Variants in LPP observed in about 807,000 individuals in gnomAD.
The protein encoded by LPP is LIM domain containing preferred translocation partner in lipoma, also known as lipoma-preferred partner.
A neutral mutation model predicts 60.4 loss-of-function variants in LPP; 38 were observed. The observed-to-expected ratio is 0.63, with a 90% CI of 0.49 to 0.83. LPP has a LOEUF of 0.83. Among genes scored for constraint, LPP ranks in the 40% least tolerant of loss-of-function variants. LPP has a pLI of 0.00. For missense variants in LPP, 902 were observed against 783.6 expected (o/e 1.15, Z -1.80); for synonymous variants, 328 against 290.8 (o/e 1.13, Z -1.30).
chr3:188,190,397 G>A (rs1727831914), intron 1 of LPP, among the ~76,000 whole-genome samples: 1 of 152,088 alleles, frequency 6.6e-6, no homozygotes, highest in Non-Finnish European at 1.5e-5. Flanking sequence ...TTGAGGCTTG[G>A]AGATGTTTAG....
chr3:188,495,559 C>T (rs1190928253), intron 5 of LPP, among the ~76,000 whole-genome samples: 2 of 152,046 alleles, frequency 1.3e-5, no homozygotes, highest in African/African-American at 4.8e-5. Flanking sequence ...CAAAAAGCAG[C>T]CATTGTCGTC....
intron 9 of LPP, among the ~76,000 whole-genome samples, chr3:188,797,793 T>G (rs1745817031): frequency 1.3e-5 from 2 of 152,218 alleles, no homozygotes; most frequent in Admixed American, 1.3e-4. Context: ...TGTGTATGTA[T>G]TATATTCCTT....
chr3:188,594,074 G>C (rs1446129187), intron 6 of LPP, among the ~76,000 whole-genome samples: 1 of 152,126 alleles, frequency 6.6e-6, no homozygotes, highest in Non-Finnish European at 1.5e-5. Flanking sequence ...CTGAAGATAG[G>C]AATATTAGAA....
intron 9 of LPP, among the ~76,000 whole-genome samples, chr3:188,804,725 A>G (rs1490722358): frequency 6.6e-6 from 1 of 151,968 alleles, no homozygotes; most frequent in Non-Finnish European, 1.5e-5. Context: ...AGGGACTTTC[A>G]GTTAGTTGTT....
intron 4 of LPP, among the ~76,000 whole-genome samples, chr3:188,477,789 TA>T (rs1803624584): frequency 6.6e-6 from 1 of 152,238 alleles, no homozygotes; most frequent in African/African-American, 2.4e-5. Flanking sequence ...AACTTGCTGT[TA>T]TCAATAGTTT....
chr3:188,659,393 A>G (rs1415559806), intron 7 of LPP, among the ~76,000 whole-genome samples: 4 of 152,210 alleles, frequency 2.6e-5, no homozygotes, highest in Non-Finnish European at 4.4e-5. Context: ...ACTCATTTCC[A>G]CCTTGGAACT....
At chr3:188,514,091 T>C (rs1816619267) in intron 5 of LPP, among the ~76,000 whole-genome samples, 1 of 152,190 alleles carries the variant, frequency 6.6e-6, no homozygotes, top group Admixed American at 6.5e-5. Context: ...GGGCTGATTG[T>C]GTGAAACAGA....
intron 6 of LPP, among the ~76,000 whole-genome samples, chr3:188,579,803 T>G (rs1490522590): frequency 6.6e-6 from 1 of 150,760 alleles, no homozygotes; most frequent in Non-Finnish European, 1.5e-5. Flanking sequence ...CTACAAAAAG[T>G]TTTTTAAATA....
chr3:188,189,784 G>A (rs920642576), intron 1 of LPP, among the ~76,000 whole-genome samples: 2 of 152,156 alleles, frequency 1.3e-5, no homozygotes, highest in African/African-American at 4.8e-5. Context: ...GCTCTGCCAG[G>A]GTCCTTTGTA....
At chr3:188,858,218 C>T (rs1350476924) in intron 9 of LPP, among the ~76,000 whole-genome samples, 2 of 152,148 alleles carry the variant, frequency 1.3e-5, no homozygotes, top group Non-Finnish European at 2.9e-5. Context: ...TGACTTGTCT[C>T]GGAAGGAAAG....
intron 3 of LPP, among the ~76,000 whole-genome samples, chr3:188,358,011 A>G (rs1768111074): frequency 6.6e-6 from 1 of 152,072 alleles, no homozygotes; most frequent in South Asian, 2.1e-4. Flanking sequence ...GACATATTGA[A>G]GGAAAAAAAT....
intron 9 of LPP, among the ~76,000 whole-genome samples, chr3:188,774,664 G>A (rs990187899): frequency 1.3e-5 from 2 of 152,150 alleles, no homozygotes; most frequent in African/African-American, 2.4e-5. Context: ...ATGGAAGTCC[G>A]AGATCAGGGT....
At chr3:188,227,139 G>C (rs898318345) in intron 2 of LPP, among the ~76,000 whole-genome samples, 7 of 152,032 alleles carry the variant, frequency 4.6e-5, no homozygotes, top group African/African-American at 1.7e-4. Flanking sequence ...CTTAACAAGA[G>C]CAGACTGGAA....
chr3:188,536,495 A>T (rs1456015837), intron 6 of LPP, among the ~76,000 whole-genome samples: 3 of 152,242 alleles, frequency 2.0e-5, no homozygotes, highest in African/African-American at 7.2e-5. Flanking sequence ...TCTAAATCTA[A>T]GTCATGCTTT....
In LPP at chr3:188,886,719, A is replaced by AACACACACAC. The variant is rs562970107; in HGVS notation, c.*12248_*12257dup. 4.6e-5 allele frequency: 7 copies of AACACACACAC among 153,782 alleles called. No individual in the cohort carries two copies. The highest frequency in any genetic ancestry group is 2.0e-4 in the African/African-American group (5 of 25,388). 9.5% of individuals were successfully genotyped at this position (153,782 alleles called of 1,614,324 possible). On this transcript the variant is annotated 3_prime_UTR_variant, in exon 12 of 12. Coordinates refer to ENST00000617246, the MANE Select transcript of LPP (RefSeq NM_001375462.1). ...GATCATACAATTGTATTGTCTTCAA[A>AACACACACAC]ACACACACACACACACATACACACA...
intron 5 of LPP, among the ~76,000 whole-genome samples, chr3:188,496,735 C>G (rs746017627): frequency 6.6e-5 from 10 of 152,242 alleles, no homozygotes; most frequent in Admixed American, 1.3e-4. Flanking sequence ...CCAGTAGTTT[C>G]ATTATTTGCT....
intron 3 of LPP, among the ~76,000 whole-genome samples, chr3:188,379,723 T>C (rs1207976193): frequency 6.6e-6 from 1 of 152,204 alleles, no homozygotes; most frequent in African/African-American, 2.4e-5. Flanking sequence ...ACTTTGTTTC[T>C]TTCAGTTAGG....
At chr3:188,300,814 C>G (rs1050529366) in intron 2 of LPP, among the ~76,000 whole-genome samples, 1 of 152,232 alleles carries the variant, frequency 6.6e-6, no homozygotes, top group Admixed American at 6.5e-5. Flanking sequence ...TTTTCTGTTG[C>G]TGGGCACATA....
chr3:188,790,635 A>G (rs1278796888), intron 9 of LPP, among the ~76,000 whole-genome samples: 1 of 152,118 alleles, frequency 6.6e-6, no homozygotes, highest in African/African-American at 2.4e-5. Context: ...AGCCTGGCCA[A>G]CATGGTGAAA....
Sources: allele counts gnomAD v4.1 joint callset (sites outside exome capture counted in the v4.1 genomes callset), GRCh38; gene constraint gnomAD v4.1.1; transcripts MANE v1.5; gene names NCBI Gene and HGNC (gene_info 2026-07-23, HGNC 2026-07-21).